LIG1: variants seen among roughly 807,000 people sequenced by gnomAD.
LIG1 encodes the protein DNA ligase 1.
LIG1 carries 70 observed loss-of-function variants against 115.7 expected under a neutral mutation model. The ratio of observed to expected loss-of-function variants is 0.60; its 90% CI spans 0.50 to 0.74. The LOEUF is 0.74. Ranked by LOEUF, LIG1 falls within the 30% of genes least tolerant of loss-of-function variation. The pLI, the probability that LIG1 is intolerant of heterozygous loss-of-function variation, is 0.00. For missense variants in LIG1, 1,115 were observed against 1,225.6 expected (o/e 0.91, Z 1.35); for synonymous variants, 487 against 495.3 (o/e 0.98, Z 0.22).
intron 20 of LIG1, chr19:48,127,709 G>C (rs2122479807): frequency 1.5e-6 from 1 of 672,162 alleles, no homozygotes. Context: ...CCCGAAAAGG[G>C]CCCTTCCCCT....
chr19:48,132,906 C>A, intron 18 of LIG1, 76 bp downstream of exon 18: 1 of 1,085,770 alleles, frequency 9.2e-7, no homozygotes, highest in South Asian at 1.2e-5. Context: ...GCTTGAAGCT[C>A]AGGCCTCAGT....
intron 5 of LIG1, chr19:48,154,221 G>A (rs926400500): frequency 1.0e-5 from 5 of 484,214 alleles, no homozygotes; most frequent in African/African-American, 3.9e-5. Context: ...TAATCCCCAC[G>A]AGTAAACAAT....
chr19:48,163,053 T>A (rs2036275038), intron 2 of LIG1, among the ~76,000 whole-genome samples: 5 of 151,756 alleles, frequency 3.3e-5, no homozygotes, highest in Admixed American at 3.3e-4. Context: ...TAGCTGGGAT[T>A]ACAGGTGCCC....
chr19:48,151,532 C>G (rs1005744257), intron 6 of LIG1, 193 bp from the exon 7 acceptor site: 3 of 500,066 alleles, frequency 6.0e-6, no homozygotes, highest in Non-Finnish European at 1.1e-5. Context: ...TGGGTTCATG[C>G]GATTCTCCTG....
rs1023285942 is a variant in LIG1 at position 48,167,857 on chromosome 19, A to G, written c.-57-2234T>C. On this transcript the variant is annotated intron_variant, in intron 1 of 27. Transcript: ENST00000263274. ...AAAAAAAAAAAAAAAAAAACAAACAAAAAAGAAACTCAGCAATTTCCAAAC... is the reference window on the plus strand; with the variant it reads ...AAAAAAAAAAAAAAAAAAACAAACAGAAAAGAAACTCAGCAATTTCCAAAC... Among the ~76,000 whole-genome samples, 36 of 152,046 alleles carry G rather than the reference A, an allele frequency of 2.4e-4. No individual in the cohort carries two copies. In the South Asian group the frequency reaches 2.7e-3, roughly 11 times the overall value.
At chr19:48,116,066 G>T in intron 26 of LIG1, 101 bp from the exon 27 acceptor site, 1 of 839,310 alleles carries the variant, frequency 1.2e-6, no homozygotes, top group East Asian at 2.6e-5. Context: ...CCACATGACG[G>T]GGCCGAACGA....
intron 3 of LIG1, among the ~76,000 whole-genome samples, 189 bp downstream of exon 3, chr19:48,162,073 C>T (rs565035087): frequency 2.0e-5 from 3 of 152,272 alleles, no homozygotes; most frequent in South Asian, 4.1e-4. Context: ...GAAACAGAGA[C>T]GTACAGACAA....
intron 5 of LIG1, among the ~76,000 whole-genome samples, chr19:48,156,019 A>G (rs1404766795): frequency 6.6e-5 from 10 of 152,180 alleles, no homozygotes; most frequent in Non-Finnish European, 1.3e-4. Flanking sequence ...ACTGCCCCGC[A>G]TTACGAATGG....
chr19:48,162,362 A>G lies in LIG1; in HGVS notation c.18-11T>C, dbSNP rs754155480. 11 of 1,604,638 alleles carry G rather than the reference A, an allele frequency of 6.9e-6. No homozygotes were observed. The highest frequency in any genetic ancestry group is 2.2e-5 in the South Asian group (2 of 90,852). On this transcript the variant is annotated splice_polypyrimidine_tract_variant and intron_variant, in intron 2 of 27. Transcript: ENST00000263274. The stretch of plus-strand genomic sequence containing the variant: ...GGGTGGAAAAATGACCTAGAGGAGC[A>G]TAAAAGGGGGTAAAAAAAGGAGAAT...
chr19:48,152,428 A>T (rs1345468330), intron 6 of LIG1, among the ~76,000 whole-genome samples: 2 of 152,166 alleles, frequency 1.3e-5, no homozygotes, highest in African/African-American at 4.8e-5. Flanking sequence ...TGGCCAAGAA[A>T]TCAGATCTTA....
rs201786580 is a variant in LIG1 at position 48,151,884 on chromosome 19, CA to C, written c.467-546del. Among the ~76,000 whole-genome samples, 1,021 of 151,970 alleles carry C rather than the reference CA, an allele frequency of 6.7e-3. 14 individuals are homozygous for C. Among genetic ancestry groups the C allele is most frequent in the African/African-American group, 0.023 (942 of 41,438 alleles). The stretch of plus-strand genomic sequence containing the variant: ...ATGATTCCTTTAGTGTTATTCACCC[CA>C]AAATAGAATCTGAAAGGGTTAAAAA... On this transcript the variant is annotated intron_variant, in intron 6 of 27. Transcript: ENST00000263274.
At position 48,149,792 on chromosome 19, in the gene LIG1, C is replaced by T. The variant is rs751302107; in HGVS notation, c.747G>A (p.Gly249=). ...CAGCAGCTCCCTCCTTTCCTGGAGC[C>T]CCTGGCTCCTCTTCCTTCACTTCTT... ...VKKEVKEEEP[G]APGKEGAAEG... The change falls in exon 9 of 28, where the codon GGG becomes GGA. Residue 249 remains glycine, a synonymous_variant. Coordinates refer to ENST00000263274, the MANE Select transcript of LIG1 (RefSeq NM_000234.3). 11 of 1,614,030 alleles carry T rather than the reference C, an allele frequency of 6.8e-6. No individual in the cohort carries two copies. The highest frequency in any genetic ancestry group is 4.4e-5 in the South Asian group (4 of 91,072).
Position 48,125,596 on chromosome 19 carries a change from C to T in LIG1, c.2004+1681G>A, listed in dbSNP as rs148696596. 3.8e-3 allele frequency among the ~76,000 whole-genome samples: 585 copies of T among 152,260 alleles called. 9 individuals are homozygous for T. The highest frequency in any genetic ancestry group is 6.5e-3 in the Non-Finnish European group (444 of 68,016). ...GGAGGCAAGTCACGGAACAAATGCA[C>T]GCGGCCAACAAACCTGAAAAGATGA... On this transcript the variant is annotated intron_variant, in intron 21 of 27. Coordinates refer to ENST00000263274, the MANE Select transcript of LIG1 (RefSeq NM_000234.3).
At chr19:48,142,694 A>G (rs3786757) in intron 11 of LIG1, among the ~76,000 whole-genome samples, 71,877 of 151,382 alleles carry the variant, frequency 0.47, 17,427 homozygotes, top group East Asian at 0.75. Flanking sequence ...CCCAGGCTGG[A>G]GTGTAATAGC....
At chr19:48,164,709 G>A (rs557660797) in intron 2 of LIG1, among the ~76,000 whole-genome samples, 30 of 152,336 alleles carry the variant, frequency 2.0e-4, no homozygotes, top group South Asian at 6.2e-4. Context: ...CAACTGGATC[G>A]AACCAAGCCT....
intron 1 of LIG1, among the ~76,000 whole-genome samples, chr19:48,167,775 G>C (rs2036555205): frequency 6.7e-6 from 1 of 148,960 alleles, no homozygotes; most frequent in African/African-American, 2.5e-5. Context: ...GCAGTGAGCT[G>C]AGACTGCACC....
intron 24 of LIG1, chr19:48,120,303 G>C: frequency 1.0e-6 from 1 of 985,362 alleles, no homozygotes; most frequent in Non-Finnish European, 1.2e-6. Flanking sequence ...TATTGCTTAA[G>C]GGCATATACA....
Position 48,131,164 on chromosome 19 carries a change from G to C in LIG1, c.1733C>G (p.Ala578Gly), listed in dbSNP as rs538601239. The C allele has an allele frequency of 6.2e-7, 1 of 1,613,836 alleles. No individual in the cohort carries two copies. Among genetic ancestry groups the C allele is most frequent in the African/African-American group, 1.3e-5 (1 of 75,036 alleles). Residue 578 changes from alanine (A) to glycine (G), a missense_variant, in exon 19 of 28, where the codon GCC becomes GGC. Physicochemically the swap from Ala to Gly is moderately conservative, Grantham distance 60. Coordinates refer to ENST00000263274, the MANE Select transcript of LIG1 (RefSeq NM_000234.3). ...GATCTTCACCTCCCCGCCTTCCAGG[G>C]CGTGGATCTGTCACGATGGGAGAAG... Reference protein sequence around the residue: ...KYDGQRAQIHALEGGEVKIFS... With the variant: ...KYDGQRAQIHGLEGGEVKIFS...
At chr19:48,161,931 C>A (rs1378667111) in intron 3 of LIG1, among the ~76,000 whole-genome samples, 1 of 149,818 alleles carries the variant, frequency 6.7e-6, no homozygotes. Context: ...GAGTGAGACT[C>A]CATTTCAAAA....
Sources: gnomAD v4.1 joint callset for allele counts (sites outside exome capture counted in the v4.1 genomes callset) on GRCh38, gnomAD v4.1.1 for gene constraint, MANE v1.5 for transcripts, NCBI Gene and HGNC (gene_info 2026-07-23, HGNC 2026-07-21) for gene names.